ADAMTS13: variants seen among roughly 807,000 people sequenced by gnomAD.
ADAMTS13 encodes the protein ADAM metallopeptidase with thrombospondin type 1 motif 13.
ADAMTS13 carries 110 observed loss-of-function variants against 155.1 expected under a neutral mutation model. That is an observed-to-expected ratio of 0.71 (90% CI 0.61 to 0.83). The LOEUF is 0.83. Among genes scored for constraint, ADAMTS13 ranks in the 40% least tolerant of loss-of-function variants. The pLI is 0.00. For missense variants in ADAMTS13, 1,707 were observed against 1,891.7 expected, an observed-to-expected ratio of 0.90 and a Z score of 1.81; for synonymous variants, 758 against 756.4, an observed-to-expected ratio of 1.00 and a Z score of -0.03.
intron 27 of ADAMTS13, among the ~76,000 whole-genome samples, chr9:133,457,250 G>T (rs184465573): frequency 2.0e-5 from 3 of 152,280 alleles, no homozygotes; most frequent in East Asian, 3.9e-4. Flanking sequence ...CCAACAGCCC[G>T]AGCTGGCCGA....
At chr9:133,449,680 C>A in intron 22 of ADAMTS13, 103 bp from the exon 23 acceptor site, 1 of 1,385,966 alleles carries the variant, frequency 7.2e-7, no homozygotes, top group Non-Finnish European at 1.0e-6. Context: ...CCCTTCCCAG[C>A]TTCCTGTCTC....
intron 21 of ADAMTS13, among the ~76,000 whole-genome samples, chr9:133,446,538 T>C (rs1199656975): frequency 6.6e-6 from 1 of 152,264 alleles, no homozygotes; most frequent in Non-Finnish European, 1.5e-5. Context: ...AAAGATTCCA[T>C]TGTGAGTGTA....
At chr9:133,418,144 C>A, upstream of ADAMTS13, 2 of 437,578 alleles carry the variant, frequency 4.6e-6, no homozygotes, top group Middle Eastern at 6.4e-4. Flanking sequence ...CCTTAGCCAG[C>A]GGCATCCGGG....
At chr9:133,417,911 T>G, upstream of ADAMTS13, 1 of 1,478,820 alleles carries the variant, frequency 6.8e-7, no homozygotes, top group South Asian at 1.2e-5. Context: ...CCCGGCGCCC[T>G]GGCAGCACAA....
chr9:133,432,827 G>A, intron 9 of ADAMTS13, 135 bp downstream of exon 9: 1 of 879,940 alleles, frequency 1.1e-6, no homozygotes, highest in Non-Finnish European at 1.8e-6. Context: ...CTTGGGGACT[G>A]TCCTTTGGGT....
Position 133,433,549 on chromosome 9 carries a change from T to G in ADAMTS13, c.1244+20T>G. ...CCCCAGGTACCGCAGGGAGGGTGCT[T>G]TTCTGTCAGGGAGTGTGGCCATACC... On this transcript the variant is annotated intron_variant, in intron 10 of 28. Coordinates refer to ENST00000355699, the MANE Select transcript of ADAMTS13 (RefSeq NM_139027.6). The G allele has an allele frequency of 6.2e-7, 1 of 1,613,602 alleles. No homozygotes were observed. The highest frequency in any genetic ancestry group is 8.5e-7 in the Non-Finnish European group (1 of 1,179,910).
Position 133,439,383 on chromosome 9 carries a change from A to ACAGTTAC in ADAMTS13, c.1725_1731dup (p.Pro578SerfsTer39). ...CTTTCTAGAATATGTCACGTTTCTGACAGTTACCCCCAACCTGACCAGTGT... is the reference window on the plus strand; with the variant it reads ...CTTTCTAGAATATGTCACGTTTCTGACAGTTACCAGTTACCCCCAACCTGACCAGTGT... On this transcript the variant is annotated frameshift_variant, in exon 15 of 29. Transcript: ENST00000355699. LOFTEE classifies it high-confidence loss of function. 1 of 1,613,580 alleles carries ACAGTTAC rather than the reference A, an allele frequency of 6.2e-7. No individual in the cohort carries two copies. The highest frequency in any genetic ancestry group is 1.3e-5 in the African/African-American group (1 of 75,028).
Position 133,459,168 on chromosome 9 carries a change from G to A in ADAMTS13, c.4104G>A (p.Lys1368=), listed in dbSNP as rs938453395. 11 of 1,610,688 alleles carry A rather than the reference G, an allele frequency of 6.8e-6. No individual in the cohort carries two copies. The highest frequency in any genetic ancestry group is 5.0e-5 in the Admixed American group (3 of 59,734). ...EMQDPQSWKG[K]EGT The stretch of plus-strand genomic sequence containing the variant: ...AGGACCCTCAGTCCTGGAAGGGAAA[G>A]GAAGGAACCTGAGGGTCATTGAACA... The change falls in exon 29 of 29, where the codon AAG becomes AAA. Residue 1368 remains lysine, a synonymous_variant. Transcript: ENST00000355699.
intron 19 of ADAMTS13, among the ~76,000 whole-genome samples, chr9:133,443,834 C>T (rs919368144): frequency 6.6e-5 from 10 of 152,088 alleles, no homozygotes; most frequent in Admixed American, 3.9e-4. Flanking sequence ...GGGGGGGCTT[C>T]GAGGATGAGG....
rs782424568 is a variant in ADAMTS13, at chr9:133,436,876, G to A, written c.1356G>A (p.Arg452=). The A allele has an allele frequency of 3.8e-6, 6 of 1,587,478 alleles. No individual in the cohort carries two copies. The part of the protein sequence containing the change: ...QLEFMSQQCA[R]TDGQPLRSSP... The stretch of plus-strand genomic sequence containing the variant: ...AGTTCATGTCGCAACAGTGCGCCAG[G>A]ACCGACGGCCAGCCGCTGCGCTCCT... The change falls in exon 12 of 29, where the codon AGG becomes AGA. Residue 452 remains arginine (R), a synonymous_variant. Coordinates refer to ENST00000355699, the MANE Select transcript of ADAMTS13 (RefSeq NM_139027.6).
chr9:133,436,782 G>GC (rs919740244), intron 11 of ADAMTS13, 47 bp from the exon 12 acceptor site: 21 of 653,424 alleles, frequency 3.2e-5, no homozygotes, highest in Admixed American at 8.5e-5. Flanking sequence ...GACAACACCC[G>GC]CCCCCCGCCC....
chr9:133,444,024 G>C (rs1841887665), intron 19 of ADAMTS13, among the ~76,000 whole-genome samples: 1 of 152,158 alleles, frequency 6.6e-6, no homozygotes, highest in Non-Finnish European at 1.5e-5. Flanking sequence ...TTTGCGACCT[G>C]TCCGGTGGGA....
At chr9:133,417,689 G>T, upstream of ADAMTS13, 1 of 1,614,126 alleles carries the variant, frequency 6.2e-7, no homozygotes. Context: ...CAGCACCGGG[G>T]CCGCTTGCTG....
At chr9:133,436,244 C>A (rs1429781200) in intron 11 of ADAMTS13, among the ~76,000 whole-genome samples, 1 of 151,906 alleles carries the variant, frequency 6.6e-6, no homozygotes, top group Non-Finnish European at 1.5e-5. Flanking sequence ...GGCTGTATTA[C>A]AGTTCTGCAT....
rs908457872 is a variant in ADAMTS13 at position 133,431,338 on chromosome 9, T to C, written c.987+1237T>C. Among the ~76,000 whole-genome samples the C allele has an allele frequency of 3.8e-3, 571 of 151,600 alleles. 4 individuals are homozygous for C. The highest frequency in any genetic ancestry group is 0.013 in the African/African-American group (538 of 41,352). On this transcript the variant is annotated intron_variant, in intron 8 of 28. Transcript: ENST00000355699. ...GGAAGTTCATTTTTTCATTTTTTTTTTTTTTTGAGACAGAGTCTCACTCTG... is the reference window on the plus strand; with the variant it reads ...GGAAGTTCATTTTTTCATTTTTTTTCTTTTTTGAGACAGAGTCTCACTCTG...
At chr9:133,428,518 C>A (rs963156342) in intron 6 of ADAMTS13, 116 bp from the exon 7 acceptor site, 2 of 591,120 alleles carry the variant, frequency 3.4e-6, no homozygotes, top group South Asian at 8.1e-5. Flanking sequence ...TCGGAAAACT[C>A]GCTGGCGCTG....
rs1009950829 is a variant in ADAMTS13 at position 133,415,147 on chromosome 9, A to T, written n.287+503A>T. On this transcript the variant is annotated intron_variant and non_coding_transcript_variant, in intron 1 of 17. Coordinates refer to the ADAMTS13 transcript ENST00000485925. ...ATACAATTCCCATCCGCATCACTGA[A>T]ATTCATTTTCAAACGGTTTGGAAAA... 55 of 702,736 alleles carry T rather than the reference A, an allele frequency of 7.8e-5. No homozygotes were observed. The East Asian group carries it at 1.5e-3, about 19-fold the overall frequency. The allele number at this position is 702,736 out of a possible 1,614,324, so 43.5% of individuals were successfully genotyped here. A position where few individuals can be genotyped will look rare whatever the true frequency, so the allele number is the denominator to read the frequency against.
At chr9:133,458,841 A>G (rs2130963574) in intron 28 of ADAMTS13, 133 bp from the exon 29 acceptor site, 1 of 834,706 alleles carries the variant, frequency 1.2e-6, no homozygotes, top group African/African-American at 1.7e-5. Flanking sequence ...GGGTAGAGTA[A>G]TGGCGTATTC....
intron 19 of ADAMTS13, among the ~76,000 whole-genome samples, 180 bp downstream of exon 19, chr9:133,443,741 C>G (rs1470214215): frequency 6.6e-6 from 1 of 152,168 alleles, no homozygotes; most frequent in Non-Finnish European, 1.5e-5. Context: ...TTCCTTACTA[C>G]CCAGGAGAGC....
Sources: gnomAD v4.1 joint callset for allele counts (sites outside exome capture counted in the v4.1 genomes callset) on GRCh38, gnomAD v4.1.1 for gene constraint, MANE v1.5 for transcripts, NCBI Gene and HGNC (gene_info 2026-07-23, HGNC 2026-07-21) for gene names.